Variants in BRD7 observed in about 807,000 individuals in gnomAD.
The protein encoded by BRD7 is bromodomain containing 7, also known as bromodomain-containing protein 7.
BRD7 carries 15 observed loss-of-function variants against 82.1 expected under a neutral mutation model. The observed-to-expected ratio is 0.18, with a 90% CI of 0.12 to 0.28. The LOEUF is 0.28. Among genes scored for constraint, BRD7 ranks in the 10% least tolerant of loss-of-function variants. BRD7 has a pLI of 1.00. For missense variants in BRD7, 638 were observed against 779.9 expected, an observed-to-expected ratio of 0.82 and a Z score of 2.17; for synonymous variants, 232 against 266.9, an observed-to-expected ratio of 0.87 and a Z score of 1.27.
At chr16:50,359,896 CA>C (rs2038877101) in intron 2 of BRD7, among the ~76,000 whole-genome samples, 2 of 151,908 alleles carry the variant, frequency 1.3e-5, no homozygotes, top group African/African-American at 2.4e-5. Flanking sequence ...GCATTCCAGG[CA>C]GGGGAAACAT....
chr16:50,326,944 GC>G (rs1410436032), intron 9 of BRD7, among the ~76,000 whole-genome samples: 2 of 152,192 alleles, frequency 1.3e-5, no homozygotes, highest in Non-Finnish European at 2.9e-5. Flanking sequence ...AAAGATGCTG[GC>G]AGGAGAAGAT....
chr16:50,354,334 G>A (rs1232058284), intron 4 of BRD7, 91 bp downstream of exon 4: 12 of 1,060,680 alleles, frequency 1.1e-5, no homozygotes, highest in South Asian at 8.5e-5. Flanking sequence ...TTAAAATCAC[G>A]TATGTTTGGA....
chr16:50,354,806 T>G lies in BRD7; in HGVS notation c.375A>C (p.Leu125Phe). The G allele has an allele frequency of 6.2e-7, 1 of 1,611,774 alleles. No homozygotes were observed. Among genetic ancestry groups the G allele is most frequent in the Non-Finnish European group, 8.5e-7 (1 of 1,179,812 alleles). The stretch of plus-strand genomic sequence containing the variant: ...AGTTATTCCAACCTTCTTGTTTGGC[T>G]AAAGAGCTTGTGAGAGGCTTCTCAG... ...LPPEKPLTSS[L>F]AKQEEVEQTP... Residue 125 changes from leucine (L) to phenylalanine (F), a missense_variant, in exon 3 of 17, where the codon TTA becomes TTC. This residue lies in a region of BRD7 where 172 missense variants were observed against 155.3 expected (regional missense o/e 1.11). Coordinates refer to ENST00000394688, the MANE Select transcript of BRD7 (RefSeq NM_013263.5).
At chr16:50,367,167 T>TG (rs2151218186) in intron 2 of BRD7, among the ~76,000 whole-genome samples, 1 of 152,300 alleles carries the variant, frequency 6.6e-6, no homozygotes, top group East Asian at 1.9e-4. Flanking sequence ...TCACAATAAT[T>TG]GATGTAATAA....
Position 50,326,350 on chromosome 16 carries a change from T to C in BRD7, c.1129A>G (p.Arg377Gly), listed in dbSNP as rs1247548541. The C allele has an allele frequency of 1.3e-6, 2 of 1,599,976 alleles. No homozygotes were observed. Among genetic ancestry groups the C allele is most frequent in the African/African-American group, 2.7e-5 (2 of 74,404 alleles). The change falls in exon 10 of 17, where the codon AGA becomes GGA. Residue 377 changes from arginine (R) to glycine (G), a missense_variant. Around this residue, in one of 3 missense-constraint regions of BRD7, gnomAD observed 402 missense variants for 500.8 expected, o/e 0.80. Coordinates refer to ENST00000394688, the MANE Select transcript of BRD7 (RefSeq NM_013263.5). ...CPVRLGMTTGRLQSGVNTLQG... is the reference protein window; with the variant it reads ...CPVRLGMTTGGLQSGVNTLQG... ...AAAGTATTCACTCCAGACTGAAGTC[T>C]TCCAGTTGTCATTCCCAGTCTCACA... is the stretch of plus-strand genomic sequence containing the variant.
At chr16:50,358,527 A>G (rs979198949) in intron 2 of BRD7, among the ~76,000 whole-genome samples, 1 of 151,868 alleles carries the variant, frequency 6.6e-6, no homozygotes, top group African/African-American at 2.4e-5. Flanking sequence ...AAAAGAATAA[A>G]GTAAAAAACC....
In BRD7 at chr16:50,352,889, T is replaced by G. The variant is rs766695385; in HGVS notation, c.446+1536A>C. 7.2e-5 allele frequency among the ~76,000 whole-genome samples: 11 copies of G among 152,238 alleles called. No individual in the cohort carries two copies. The East Asian group carries it at 9.6e-4, about 13-fold the overall frequency. The stretch of plus-strand genomic sequence containing the variant: ...CATTAACCTACATTCTGGCCTTACG[T>G]TGCAAGAAAAACTCTAAGGCAGCCA... On this transcript the variant is annotated intron_variant, in intron 4 of 16. Coordinates refer to ENST00000394688, the MANE Select transcript of BRD7 (RefSeq NM_013263.5).
chr16:50,367,761 T>C (rs988227529), intron 2 of BRD7, among the ~76,000 whole-genome samples: 1 of 152,230 alleles, frequency 6.6e-6, no homozygotes, highest in Non-Finnish European at 1.5e-5. Context: ...GAAATGACTA[T>C]TTTTGACAAT....
At position 50,339,829 on chromosome 16, in the gene BRD7, TTTCA is replaced by T. The variant is rs576560693; in HGVS notation, c.702+143_702+146del. 2.4e-4 allele frequency: 96 copies of T among 407,940 alleles called. 1 individual carries two copies. The South Asian group carries it at 9.0e-3, about 38-fold the overall frequency. 25.3% of individuals were successfully genotyped at this position (407,940 alleles called of 1,614,324 possible). A position where few individuals can be genotyped will look rare whatever the true frequency, so the allele number is the denominator to read the frequency against. ...ATTTTCTTCTCTTTATTAAAATTTTTTTCATTTAGTATTTTCTACTTTATTTAAT... is the reference window on the plus strand; with the variant it reads ...ATTTTCTTCTCTTTATTAAAATTTTTTTTAGTATTTTCTACTTTATTTAAT... On this transcript the variant is annotated intron_variant, in intron 6 of 16. Coordinates refer to ENST00000394688, the MANE Select transcript of BRD7 (RefSeq NM_013263.5).
intron 5 of BRD7, among the ~76,000 whole-genome samples, chr16:50,345,191 T>C (rs1021807345): frequency 3.3e-5 from 5 of 152,162 alleles, no homozygotes; most frequent in African/African-American, 1.2e-4. Context: ...GAAGGAGAAA[T>C]AAAATCTTTT....
At chr16:50,357,699 G>T (rs941068609) in intron 2 of BRD7, among the ~76,000 whole-genome samples, 4 of 152,198 alleles carry the variant, frequency 2.6e-5, no homozygotes, top group African/African-American at 9.7e-5. Flanking sequence ...GACCAAACTG[G>T]GCCAAGTGCA....
intron 5 of BRD7, among the ~76,000 whole-genome samples, chr16:50,346,755 T>G (rs1483400731): frequency 6.6e-6 from 1 of 152,200 alleles, no homozygotes; most frequent in Non-Finnish European, 1.5e-5. Context: ...TAAGAGGCTC[T>G]GAAATTGAGG....
At chr16:50,333,238 T>C (rs1183447659) in intron 8 of BRD7, among the ~76,000 whole-genome samples, 1 of 152,222 alleles carries the variant, frequency 6.6e-6, no homozygotes, top group African/African-American at 2.4e-5. Context: ...TTTTAGAACA[T>C]ATTATAACTT....
intron 2 of BRD7, among the ~76,000 whole-genome samples, chr16:50,357,473 G>A (rs1482973391): frequency 6.6e-6 from 1 of 152,078 alleles, no homozygotes; most frequent in Non-Finnish European, 1.5e-5. Context: ...TAAATCCTTC[G>A]TCCAGAAATA....
chr16:50,366,634 T>C (rs917676658), intron 2 of BRD7, among the ~76,000 whole-genome samples: 1 of 152,214 alleles, frequency 6.6e-6, no homozygotes, highest in African/African-American at 2.4e-5. Flanking sequence ...GTAGAAGATA[T>C]AAACTGCTAA....
chr16:50,327,315 C>T (rs2037382230), intron 9 of BRD7, among the ~76,000 whole-genome samples: 1 of 152,186 alleles, frequency 6.6e-6, no homozygotes, highest in Non-Finnish European at 1.5e-5. Context: ...AGAGCAAGGA[C>T]AGAGACCACA....
chr16:50,334,640 C>T (rs1177797319), intron 7 of BRD7, 71 bp downstream of exon 7: 6 of 1,544,596 alleles, frequency 3.9e-6, no homozygotes, highest in Admixed American at 3.7e-5. Flanking sequence ...AGTCAGGCCC[C>T]GAATAAGTAT....
intron 2 of BRD7, among the ~76,000 whole-genome samples, chr16:50,359,364 A>G (rs1000760301): frequency 6.6e-6 from 1 of 152,268 alleles, no homozygotes; most frequent in Non-Finnish European, 1.5e-5. Flanking sequence ...AATAGACACA[A>G]GAATACATAC....
intron 5 of BRD7, among the ~76,000 whole-genome samples, chr16:50,340,648 C>T (rs1235776744): frequency 6.6e-6 from 1 of 152,154 alleles, no homozygotes; most frequent in Non-Finnish European, 1.5e-5. Context: ...TGGATACTAT[C>T]ATAAACTAAA....
Sources: gnomAD v4.1 joint callset for allele counts (sites outside exome capture counted in the v4.1 genomes callset) on GRCh38, gnomAD v4.1.1 for gene constraint, gnomAD v4.1.1 regional missense constraint, MANE v1.5 for transcripts, NCBI Gene and HGNC (gene_info 2026-07-23, HGNC 2026-07-21) for gene names.